The following KCNS3 variants were observed in gnomAD, a reference collection of about 807,000 sequenced individuals.
The protein encoded by KCNS3 is potassium voltage-gated channel modifier subfamily S member 3.
In KCNS3, 13 loss-of-function variants were observed where a neutral mutation model predicts 31.0. The observed-to-expected ratio is 0.42, with a 90% CI of 0.27 to 0.67. The LOEUF (loss-of-function observed/expected upper bound fraction) is 0.67, where lower values mean the gene tolerates loss of function less well. Ranked by LOEUF, KCNS3 falls within the 30% of genes least tolerant of loss-of-function variation. KCNS3 has a pLI of 0.25. For synonymous variants in KCNS3, 238 were observed against 241.5 expected (o/e 0.99, Z 0.13); for missense variants, 545 against 622.4 (o/e 0.88, Z 1.32).
chr2:17,887,315 G>A (rs1661687745), intron 1 of KCNS3, among the ~76,000 whole-genome samples: 1 of 151,812 alleles, frequency 6.6e-6, no homozygotes, highest in South Asian at 2.1e-4. Context: ...TCATTCTTAT[G>A]CCTTTGCATC....
At chr2:17,884,268 A>AAAAAATATATATAT (rs1459540269) in intron 1 of KCNS3, among the ~76,000 whole-genome samples, 2 of 46,696 alleles carry the variant, frequency 4.3e-5, no homozygotes, top group African/African-American at 1.6e-4. Context: ...AAAAAAAAAA[A>AAAAAATATATATAT]ATATATATAT....
At chr2:17,930,200 G>T (rs770857870) in intron 2 of KCNS3, among the ~76,000 whole-genome samples, 4 of 152,162 alleles carry the variant, frequency 2.6e-5, no homozygotes, top group Admixed American at 1.3e-4. Context: ...AGTGGAGCGG[G>T]TTTGTGTCAG....
intron 1 of KCNS3, among the ~76,000 whole-genome samples, chr2:17,890,994 G>T (rs1396616276): frequency 6.6e-6 from 1 of 152,118 alleles, no homozygotes; most frequent in Non-Finnish European, 1.5e-5. Flanking sequence ...TTTCTGTCTT[G>T]ATGACCTGTC....
At chr2:17,891,262 T>C (rs1266422394) in intron 1 of KCNS3, among the ~76,000 whole-genome samples, 1 of 152,218 alleles carries the variant, frequency 6.6e-6, no homozygotes, top group Non-Finnish European at 1.5e-5. Context: ...GCATGAAATG[T>C]CTTTTTCCAC....
chr2:17,881,955 A>G (rs1674654294), intron 1 of KCNS3, among the ~76,000 whole-genome samples: 2 of 152,242 alleles, frequency 1.3e-5, no homozygotes. Flanking sequence ...GATAAACCAT[A>G]AAGATCATGG....
chr2:17,905,240 C>G (rs1343286883), intron 1 of KCNS3, among the ~76,000 whole-genome samples: 1 of 152,186 alleles, frequency 6.6e-6, no homozygotes, highest in Non-Finnish European at 1.5e-5. Context: ...TGGGACTTCA[C>G]TCATGATTTG....
chr2:17,884,262 AAAAAAAATATATATATAT>A (rs1451237712), intron 1 of KCNS3, among the ~76,000 whole-genome samples: 7 of 51,756 alleles, frequency 1.4e-4, no homozygotes, highest in African/African-American at 2.8e-4. Context: ...TAATTAAAAA[AAAAAAAATATATATATAT>A]ATATATATAT....
At chr2:17,925,934 G>A (rs1162889570) in intron 2 of KCNS3, among the ~76,000 whole-genome samples, 1 of 152,148 alleles carries the variant, frequency 6.6e-6, no homozygotes, top group African/African-American at 2.4e-5. Context: ...CCGAGACAAG[G>A]CAAGTCCCTT....
chr2:17,878,238 C>A (rs1674550868), upstream of KCNS3, among the ~76,000 whole-genome samples: 1 of 152,132 alleles, frequency 6.6e-6, no homozygotes, highest in Non-Finnish European at 1.5e-5. Flanking sequence ...GCTTGGGCCG[C>A]GACTTTAGAA....
In KCNS3 at chr2:17,917,266, A is replaced by G. The variant is rs574373548; in HGVS notation, c.-251-414A>G. On this transcript the variant is annotated intron_variant, in intron 1 of 2. Transcript: ENST00000304101. ...TAATTCTATTATAGCAGTAATACCC[A>G]GAAGGTAGATTTTGAAATGGATTAG... 5.8e-4 allele frequency among the ~76,000 whole-genome samples: 89 copies of G among 152,338 alleles called. 1 individual carries two copies. The highest frequency in any genetic ancestry group is 2.1e-3 in the African/African-American group (86 of 41,576).
chr2:17,924,195 TATCA>T (rs1452811291), intron 2 of KCNS3, among the ~76,000 whole-genome samples: 1 of 152,034 alleles, frequency 6.6e-6, no homozygotes, highest in African/African-American at 2.4e-5. Flanking sequence ...TTTTTTTGTA[TATCA>T]ATCTAGTATC....
At chr2:17,879,153 G>C (rs1674579618) in intron 1 of KCNS3, among the ~76,000 whole-genome samples, 1 of 152,200 alleles carries the variant, frequency 6.6e-6, no homozygotes, top group South Asian at 2.1e-4. Flanking sequence ...CTATGGTCAG[G>C]GGGAGGACCA....
At chr2:17,919,960 G>T (rs1662675531) in intron 2 of KCNS3, among the ~76,000 whole-genome samples, 1 of 152,116 alleles carries the variant, frequency 6.6e-6, no homozygotes, top group Non-Finnish European at 1.5e-5. Flanking sequence ...TTCCAATTCT[G>T]TTTACGTTTG....
rs559961186 is a variant in KCNS3 at position 17,912,201 on chromosome 2, C to T, written c.-251-5479C>T. 9.2e-5 allele frequency among the ~76,000 whole-genome samples: 14 copies of T among 152,296 alleles called. No individual in the cohort carries two copies. In the South Asian group the frequency reaches 2.1e-3, roughly 23 times the overall value. On this transcript the variant is annotated intron_variant, in intron 1 of 2. Coordinates refer to ENST00000304101, the MANE Select transcript of KCNS3 (RefSeq NM_002252.5). ...TCAGGACACATGCCAAAATGTGAAACCCTGGGATTTTGTGATACACATTGC... is the reference window on the plus strand; with the variant it reads ...TCAGGACACATGCCAAAATGTGAAATCCTGGGATTTTGTGATACACATTGC...
intron 1 of KCNS3, among the ~76,000 whole-genome samples, chr2:17,908,530 G>T (rs1030475543): frequency 9.2e-5 from 14 of 152,276 alleles, no homozygotes; most frequent in African/African-American, 3.1e-4. Context: ...GAGGGGGAGA[G>T]GTACTCTGAT....
intron 1 of KCNS3, among the ~76,000 whole-genome samples, chr2:17,911,688 T>G (rs1407360235): frequency 2.0e-5 from 3 of 152,230 alleles, no homozygotes; most frequent in Admixed American, 2.0e-4. Flanking sequence ...TGCTATATAT[T>G]GCGTCATAAT....
chr2:17,903,959 T>C (rs545165714), intron 1 of KCNS3, among the ~76,000 whole-genome samples: 1 of 152,328 alleles, frequency 6.6e-6, no homozygotes, highest in South Asian at 2.1e-4. Flanking sequence ...TTATAATCCT[T>C]TGGGTATATA....
intron 2 of KCNS3, among the ~76,000 whole-genome samples, chr2:17,929,129 A>G (rs1168668377): frequency 6.6e-6 from 1 of 152,188 alleles, no homozygotes; most frequent in African/African-American, 2.4e-5. Context: ...TTGGACTGAT[A>G]TACAGGGTCC....
intron 1 of KCNS3, among the ~76,000 whole-genome samples, chr2:17,897,832 C>A (rs1329650171): frequency 5.9e-5 from 9 of 152,140 alleles, no homozygotes; most frequent in Admixed American, 5.9e-4. Flanking sequence ...GACTTAGCCA[C>A]AAATTCTTTG....
Sources: gnomAD v4.1 joint callset for allele counts (sites outside exome capture counted in the v4.1 genomes callset) on GRCh38, gnomAD v4.1.1 for gene constraint, MANE v1.5 for transcripts, NCBI Gene and HGNC (gene_info 2026-07-23, HGNC 2026-07-21) for gene names.